Variants in PDGFC observed in about 807,000 individuals in gnomAD.
The protein encoded by PDGFC is platelet derived growth factor C.
A neutral mutation model predicts 35.5 loss-of-function variants in PDGFC; 12 were observed. The ratio of observed to expected loss-of-function variants is 0.34; its 90% CI spans 0.22 to 0.55. PDGFC has a LOEUF of 0.55. Ranked by LOEUF, PDGFC falls within the 20% of genes least tolerant of loss-of-function variation. The pLI is 0.91. For synonymous variants in PDGFC, 159 were observed against 148.8 expected, an observed-to-expected ratio of 1.07 and a Z score of -0.50; for missense variants, 322 against 412.4, an observed-to-expected ratio of 0.78 and a Z score of 1.90.
chr4:156,866,718 T>TA (rs1156349970), intron 1 of PDGFC, among the ~76,000 whole-genome samples: 1 of 152,132 alleles, frequency 6.6e-6, no homozygotes, highest in Non-Finnish European at 1.5e-5. Flanking sequence ...AAAGAAAGTT[T>TA]AAAAAAATAA....
At chr4:156,763,713 T>C (rs1389820069) in intron 5 of PDGFC, among the ~76,000 whole-genome samples, 2 of 152,252 alleles carry the variant, frequency 1.3e-5, no homozygotes, top group Admixed American at 6.5e-5. Flanking sequence ...ATTAATTTTC[T>C]TGGCTACACT....
intron 1 of PDGFC, among the ~76,000 whole-genome samples, chr4:156,896,938 A>AT (rs1730646119): frequency 6.6e-6 from 1 of 152,200 alleles, no homozygotes; most frequent in Non-Finnish European, 1.5e-5. Context: ...GAGACTAACA[A>AT]TGTGTCTATT....
At chr4:156,814,336 G>C (rs1732022248) in intron 2 of PDGFC, among the ~76,000 whole-genome samples, 1 of 152,144 alleles carries the variant, frequency 6.6e-6, no homozygotes, top group Non-Finnish European at 1.5e-5. Context: ...AAAGCATCCT[G>C]AGAAGGAGCA....
At chr4:156,857,427 G>C (rs925488622) in intron 1 of PDGFC, among the ~76,000 whole-genome samples, 1 of 152,066 alleles carries the variant, frequency 6.6e-6, no homozygotes, top group African/African-American at 2.4e-5. Context: ...GGAGGAAAAG[G>C]AGCAACTTTG....
At chr4:156,866,809 T>C (rs544864959) in intron 1 of PDGFC, among the ~76,000 whole-genome samples, 1 of 151,504 alleles carries the variant, frequency 6.6e-6, no homozygotes, top group Non-Finnish European at 1.5e-5. Context: ...TTCTTGACAA[T>C]AGTATTGTAA....
intron 2 of PDGFC, among the ~76,000 whole-genome samples, chr4:156,830,264 C>T (rs1728895287): frequency 6.8e-6 from 1 of 147,700 alleles, no homozygotes; most frequent in Admixed American, 6.7e-5. Context: ...AAAAAAAAAA[C>T]TTCATGTCCT....
chr4:156,889,704 T>C (rs1223012338), intron 1 of PDGFC, among the ~76,000 whole-genome samples: 3 of 152,154 alleles, frequency 2.0e-5, no homozygotes, highest in Non-Finnish European at 4.4e-5. Context: ...ACTCCAAAAC[T>C]AAAAGGAGAT....
chr4:156,763,354 C>G (rs763731194), intron 5 of PDGFC, 148 bp from the exon 6 acceptor site: 1 of 354,460 alleles, frequency 2.8e-6, no homozygotes, highest in Middle Eastern at 7.3e-4. Flanking sequence ...TATGAAAACA[C>G]TCTCCCACCA....
chr4:156,829,398 C>G (rs189350079), intron 2 of PDGFC, among the ~76,000 whole-genome samples: 2 of 152,138 alleles, frequency 1.3e-5, no homozygotes, highest in African/African-American at 4.8e-5. Context: ...TATTTTGTAG[C>G]ATGAAAAGGG....
intron 1 of PDGFC, among the ~76,000 whole-genome samples, chr4:156,969,541 A>C (rs566342279): frequency 6.6e-6 from 1 of 152,354 alleles, no homozygotes; most frequent in African/African-American, 2.4e-5. Flanking sequence ...TTATACCCTA[A>C]AACTTTCTGT....
intron 1 of PDGFC, among the ~76,000 whole-genome samples, chr4:156,933,023 C>G (rs192912528): frequency 8.3e-4 from 126 of 152,244 alleles, no homozygotes; most frequent in African/African-American, 2.8e-3. Flanking sequence ...TGTTGAGAAC[C>G]TAGTCTCTGC....
chr4:156,928,871 T>C (rs985432397), intron 1 of PDGFC, among the ~76,000 whole-genome samples: 8 of 152,248 alleles, frequency 5.3e-5, no homozygotes, highest in Non-Finnish European at 1.0e-4. Context: ...ACTGAAGGAC[T>C]GTTTATCTCT....
intron 3 of PDGFC, among the ~76,000 whole-genome samples, chr4:156,793,765 C>G (rs1731363069): frequency 6.6e-6 from 1 of 151,316 alleles, no homozygotes; most frequent in African/African-American, 2.4e-5. Context: ...CTGGGCTAAG[C>G]ATTTCATAGT....
chr4:156,875,504 G>A (rs1230256810), intron 1 of PDGFC, among the ~76,000 whole-genome samples: 3 of 152,158 alleles, frequency 2.0e-5, no homozygotes, highest in Non-Finnish European at 4.4e-5. Context: ...CTCACCAGAT[G>A]TCTCTTCATT....
At chr4:156,839,078 T>C (rs1326570385) in intron 2 of PDGFC, among the ~76,000 whole-genome samples, 1 of 152,198 alleles carries the variant, frequency 6.6e-6, no homozygotes, top group Non-Finnish European at 1.5e-5. Context: ...GCTAAAGCTG[T>C]GACGGTTTAA....
chr4:156,823,654 C>T (rs1420697314), intron 2 of PDGFC, among the ~76,000 whole-genome samples: 9 of 152,124 alleles, frequency 5.9e-5, no homozygotes, highest in Admixed American at 5.9e-4. Context: ...TAAACTAGTA[C>T]AGCCATTGTG....
At chr4:156,837,001 C>A (rs1202834108) in intron 2 of PDGFC, among the ~76,000 whole-genome samples, 1 of 151,934 alleles carries the variant, frequency 6.6e-6, no homozygotes, top group Non-Finnish European at 1.5e-5. Flanking sequence ...CAGCTGGAAC[C>A]TGAACAGAAT....
intron 1 of PDGFC, among the ~76,000 whole-genome samples, chr4:156,926,940 C>A (rs921427615): frequency 2.6e-5 from 4 of 152,214 alleles, no homozygotes; most frequent in African/African-American, 9.6e-5. Context: ...TCCATGACAG[C>A]CCCACCCCTG....
At chr4:156,821,540 G>A (rs1014393253) in intron 2 of PDGFC, among the ~76,000 whole-genome samples, 2 of 151,800 alleles carry the variant, frequency 1.3e-5, no homozygotes, top group Non-Finnish European at 2.9e-5. Flanking sequence ...CACTCTCTAC[G>A]TATATTTATT....
Sources: allele counts gnomAD v4.1 joint callset (sites outside exome capture counted in the v4.1 genomes callset), GRCh38; gene constraint gnomAD v4.1.1; transcripts MANE v1.5; gene names NCBI Gene and HGNC (gene_info 2026-07-23, HGNC 2026-07-21).